Variants in PTPRQ observed in about 807,000 individuals in gnomAD.
The protein encoded by PTPRQ is protein tyrosine phosphatase receptor type Q, also known as phosphatidylinositol phosphatase PTPRQ.
A neutral mutation model predicts 246.0 loss-of-function variants in PTPRQ; 199 were observed. The observed-to-expected ratio is 0.81, with a 90% CI of 0.72 to 0.91. The LOEUF is 0.91. Ranked by LOEUF, PTPRQ falls within the 40% of genes least tolerant of loss-of-function variation. The probability of loss-of-function intolerance (pLI) is 0.00; values close to 1 mark genes in which losing one functional copy is unlikely to be tolerated. For synonymous variants in PTPRQ, 869 were observed against 853.2 expected (o/e 1.02, Z -0.32); for missense variants, 2,624 against 2,528.4 (o/e 1.04, Z -0.81).
intron 35 of PTPRQ, among the ~76,000 whole-genome samples, chr12:80,646,473 T>C (rs962800723): frequency 6.9e-6 from 1 of 145,842 alleles, no homozygotes; most frequent in Admixed American, 6.9e-5. Flanking sequence ...ACATCTTTAT[T>C]ATCCCCCTTG....
chr12:80,506,551 T>A lies in PTPRQ; in HGVS notation c.2456-18T>A, dbSNP rs759080786. The A allele has an allele frequency of 6.8e-7, 1 of 1,479,222 alleles. No individual in the cohort carries two copies. The highest frequency in any genetic ancestry group is 1.3e-5 in the South Asian group (1 of 75,848). The allele number at this position is 1,479,222 out of a possible 1,614,324, so 91.6% of individuals were successfully genotyped here. A position where few individuals can be genotyped will look rare whatever the true frequency, so the allele number is the denominator to read the frequency against. ...GATATTTTGTAAGTTTCAACTTACC[T>A]ATTTGATTTCTCTTTAGTACTGAAG... On this transcript the variant is annotated intron_variant, in intron 15 of 44. Coordinates refer to ENST00000644991, the MANE Select transcript of PTPRQ (RefSeq NM_001145026.2).
At chr12:80,565,131 A>G (rs1896939971) in intron 25 of PTPRQ, among the ~76,000 whole-genome samples, 2 of 152,202 alleles carry the variant, frequency 1.3e-5, no homozygotes, top group Non-Finnish European at 1.5e-5. Flanking sequence ...CACATTTTTT[A>G]TCTTGGATCA....
intron 25 of PTPRQ, among the ~76,000 whole-genome samples, chr12:80,566,797 C>A (rs1229367895): frequency 6.6e-6 from 1 of 152,150 alleles, no homozygotes; most frequent in Non-Finnish European, 1.5e-5. Flanking sequence ...GCCTTGGCCT[C>A]ACAAAATGCT....
intron 25 of PTPRQ, among the ~76,000 whole-genome samples, chr12:80,584,660 C>G (rs1445680100): frequency 1.3e-5 from 2 of 152,176 alleles, no homozygotes; most frequent in Non-Finnish European, 2.9e-5. Context: ...ACATCACCCT[C>G]TCTTCCATGA....
At position 80,648,884 on chromosome 12, in the gene PTPRQ, A is replaced by G. The variant is rs560369606; in HGVS notation, c.5916-13A>G. 3.9e-6 allele frequency: 6 copies of G among 1,528,902 alleles called. No homozygotes were observed. In the African/African-American group the frequency reaches 6.9e-5, roughly 18 times the overall value. The allele number at this position is 1,528,902 out of a possible 1,614,324, so 94.7% of individuals were successfully genotyped here. On this transcript the variant is annotated splice_polypyrimidine_tract_variant and intron_variant, in intron 35 of 44. Transcript: ENST00000644991. The stretch of plus-strand genomic sequence containing the variant: ...TCTGACTCACAATGCATTTAACACA[A>G]TCTCTATTGCAGGTTACTTAGTTAT...
At chr12:80,525,655 TC>T (rs1356280905) in intron 17 of PTPRQ, among the ~76,000 whole-genome samples, 3 of 66,932 alleles carry the variant, frequency 4.5e-5, no homozygotes, top group Non-Finnish European at 8.5e-5. Flanking sequence ...TCTCTCTCTG[TC>T]TCTCTCTCTC....
intron 44 of PTPRQ, 80 bp from the exon 45 acceptor site, chr12:80,678,906 T>G: frequency 6.8e-7 from 1 of 1,479,646 alleles, no homozygotes; most frequent in Non-Finnish European, 9.0e-7. Context: ...TCTGTCTACA[T>G]TATATTTTTA....
chr12:80,610,404 C>T (rs1296931287), intron 27 of PTPRQ, 35 bp from the exon 28 acceptor site: 22 of 1,437,676 alleles, frequency 1.5e-5, no homozygotes, highest in Non-Finnish European at 2.0e-5. Context: ...ATTTCAAGTG[C>T]TGCTTCCTTA....
Position 80,484,520 on chromosome 12 carries a change from G to T in PTPRQ, c.1274G>T (p.Gly425Val), listed in dbSNP as rs577783320. The part of the protein sequence containing the change: ...ITWKKPRQPN[G>V]IINQYRVKVL... ...TGGAAGAAACCACGACAACCAAATG[G>T]AATTATTAACCAATACCGAGTGAAA... is the stretch of plus-strand genomic sequence containing the variant. The change falls in exon 9 of 45, where the codon GGA (glycine) becomes GTA (valine). Residue 425 changes from glycine to valine, a missense_variant. Transcript: ENST00000644991. 6.4e-7 allele frequency: 1 copy of T among 1,551,168 alleles called. No homozygotes were observed.
chr12:80,593,518 C>A (rs2121039812), intron 26 of PTPRQ, among the ~76,000 whole-genome samples: 1 of 152,234 alleles, frequency 6.6e-6, no homozygotes, highest in East Asian at 1.9e-4. Flanking sequence ...GCTAACCATT[C>A]TTTCTCTCAC....
chr12:80,477,524 T>G (rs984327642), intron 8 of PTPRQ, among the ~76,000 whole-genome samples: 9 of 152,164 alleles, frequency 5.9e-5, no homozygotes, highest in African/African-American at 2.2e-4. Flanking sequence ...GTTTAGAAAT[T>G]TAGGCAAGAT....
chr12:80,671,975 T>TTC (rs1003638962), intron 42 of PTPRQ, among the ~76,000 whole-genome samples: 1 of 152,052 alleles, frequency 6.6e-6, no homozygotes, highest in Non-Finnish European at 1.5e-5. Flanking sequence ...ATTTTGCTTC[T>TTC]TCTGGCTACC....
At chr12:80,501,222 G>A (rs1894790005) in intron 14 of PTPRQ, among the ~76,000 whole-genome samples, 2 of 151,886 alleles carry the variant, frequency 1.3e-5, no homozygotes, top group South Asian at 4.2e-4. Context: ...AGGAACTTTG[G>A]AGTTTAATTT....
At chr12:80,582,379 G>A (rs1897468971) in intron 25 of PTPRQ, among the ~76,000 whole-genome samples, 1 of 152,134 alleles carries the variant, frequency 6.6e-6, no homozygotes, top group Non-Finnish European at 1.5e-5. Context: ...GCAATGGAGT[G>A]AATGTTTATT....
chr12:80,604,687 C>T (rs969155198), intron 26 of PTPRQ, among the ~76,000 whole-genome samples: 2 of 151,476 alleles, frequency 1.3e-5, no homozygotes, highest in Non-Finnish European at 3.0e-5. Context: ...TCAAATACTA[C>T]GTTTCTGCAA....
At chr12:80,652,707 T>C (rs1592761100) in intron 37 of PTPRQ, 37 bp from the exon 38 acceptor site, 1 of 1,466,866 alleles carries the variant, frequency 6.8e-7, no homozygotes, top group Non-Finnish European at 9.0e-7. Flanking sequence ...TGTTTACCTC[T>C]GATAAATGTA....
intron 33 of PTPRQ, among the ~76,000 whole-genome samples, chr12:80,623,121 C>G (rs891620219): frequency 3.3e-5 from 5 of 152,072 alleles, no homozygotes; most frequent in African/African-American, 9.7e-5. Flanking sequence ...CGAGCTGTTG[C>G]TCAGTGTATC....
chr12:80,655,571 GTC>G (rs146087588), intron 38 of PTPRQ, among the ~76,000 whole-genome samples: 150 of 145,758 alleles, frequency 1.0e-3, no homozygotes, highest in Non-Finnish European at 1.1e-3. Flanking sequence ...GGTTCTCTCT[GTC>G]TCTCTCTCTC....
intron 25 of PTPRQ, chr12:80,583,813 T>C (rs1189382246): frequency 6.6e-6 from 1 of 152,212 alleles, no homozygotes; most frequent in Non-Finnish European, 1.5e-5. Context: ...TTTTCTTGTG[T>C]AACTCAGGGT....
Sources: gnomAD v4.1 joint callset for allele counts (sites outside exome capture counted in the v4.1 genomes callset) on GRCh38, gnomAD v4.1.1 for gene constraint, MANE v1.5 for transcripts, NCBI Gene and HGNC (gene_info 2026-07-23, HGNC 2026-07-21) for gene names.